PNISR: variants seen among roughly 807,000 people sequenced by gnomAD.
The protein encoded by PNISR is arginine/serine-rich protein PNISR.
A neutral mutation model predicts 93.4 loss-of-function variants in PNISR; 20 were observed. That is an observed-to-expected ratio of 0.21 (90% CI 0.15 to 0.31). The LOEUF is 0.31. PNISR is among the 10% of genes least tolerant of loss of function. The pLI is 1.00. For synonymous variants in PNISR, 305 were observed against 306.5 expected, an observed-to-expected ratio of 0.99 and a Z score of 0.05; for missense variants, 893 against 985.4, an observed-to-expected ratio of 0.91 and a Z score of 1.25.
chr6:99,403,861 T>C lies in PNISR; in HGVS notation c.1124A>G (p.Gln375Arg). 6.2e-7 allele frequency: 1 copy of C among 1,613,680 alleles called. No homozygotes were observed. The highest frequency in any genetic ancestry group is 8.5e-7 in the Non-Finnish European group (1 of 1,179,734). Residue 375 changes from glutamine (Q) to arginine (R), a missense_variant, in exon 10 of 12, where the codon CAG becomes CGG. This residue lies in a region of PNISR where 866 missense variants were observed against 935.1 expected (regional missense o/e 0.93). Coordinates refer to ENST00000369239, the MANE Select transcript of PNISR (RefSeq NM_032870.4). ...AGTGAGGGAAGCCAGTGCACTGGACTGTGCCAGCTGTTTTGCAGGAGCTTT... is the reference window on the plus strand; with the variant it reads ...AGTGAGGGAAGCCAGTGCACTGGACCGTGCCAGCTGTTTTGCAGGAGCTTT... ...ATKAPAKQLA[Q>R]SSALASLTGL...
chr6:99,402,673 A>C lies in PNISR; in HGVS notation c.1194T>G (p.Asp398Glu). 1.9e-6 allele frequency: 3 copies of C among 1,611,840 alleles called. No individual in the cohort carries two copies. In the East Asian group the frequency reaches 6.7e-5, roughly 36 times the overall value. Reference protein sequence around the residue: ...LGGYGSGDSEDERSDRGSESS... With the variant: ...LGGYGSGDSEEERSDRGSESS... ...ACTCAGATCCTCTGTCACTCCTCTC[A>C]TCTTCACTGTCTCCTGATCCATAAC... Residue 398 changes from aspartate to glutamate, a missense_variant, in exon 11 of 12, where the codon GAT becomes GAG. By Grantham distance (45) the Asp-to-Glu change is conservative (BLOSUM62 2). Transcript: ENST00000369239.
chr6:99,411,473 G>A (rs1776903621), intron 4 of PNISR, among the ~76,000 whole-genome samples: 1 of 152,154 alleles, frequency 6.6e-6, no homozygotes, highest in South Asian at 2.1e-4. Context: ...GCCCGCGGGA[G>A]TCATTTAAGA....
chr6:99,409,248 C>T lies in PNISR; in HGVS notation c.598G>A (p.Glu200Lys). The T allele has an allele frequency of 6.2e-7, 1 of 1,614,044 alleles. No homozygotes were observed. Among genetic ancestry groups the T allele is most frequent in the Non-Finnish European group, 8.5e-7 (1 of 1,179,962 alleles). Residue 200 changes from glutamate to lysine, a missense_variant, in exon 6 of 12, where the codon GAA becomes AAA. Physicochemically the swap from Glu to Lys is moderately conservative, Grantham distance 56. Around this residue, in one of 3 missense-constraint regions of PNISR, gnomAD observed 866 missense variants for 935.1 expected, o/e 0.93. Transcript: ENST00000369239. ...CGATCCCTGAATGATGATGGCCTTT[C>T]TCTTCGATTCTGGGGAGGTGCTGGA... Reference protein sequence around the residue: ...GPPAPPQNRRERPSSFRDRQR... With the variant: ...GPPAPPQNRRKRPSSFRDRQR...
intron 10 of PNISR, chr6:99,403,187 A>G (rs1775739240): frequency 6.6e-6 from 1 of 152,276 alleles, no homozygotes; most frequent in African/African-American, 2.4e-5. Context: ...CCCTGAAATG[A>G]TCTAAATAAC....
intron 8 of PNISR, among the ~76,000 whole-genome samples, chr6:99,404,999 A>T (rs1288847352): frequency 6.6e-6 from 1 of 152,076 alleles, no homozygotes; most frequent in African/African-American, 2.4e-5. Flanking sequence ...GGCTTGTCTT[A>T]AACTCCTGAT....
At chr6:99,421,484 C>A (rs774150300) in intron 1 of PNISR, among the ~76,000 whole-genome samples, 2 of 152,036 alleles carry the variant, frequency 1.3e-5, no homozygotes, top group Non-Finnish European at 2.9e-5. Context: ...TTAGGAGGGA[C>A]CTTATTAAAA....
intron 5 of PNISR, chr6:99,410,200 C>A (rs1045867570): frequency 6.5e-6 from 1 of 152,826 alleles, no homozygotes; most frequent in Non-Finnish European, 1.5e-5. Context: ...GCCCAACATA[C>A]AACACTATTC....
chr6:99,422,797 C>G lies in PNISR; in HGVS notation c.-112+2418G>C, dbSNP rs375746364. ...GCTGAGGCAGGAGAATCACTTGAAC[C>G]CGGGAGGCAGGGGTTGCAATGAGCC... On this transcript the variant is annotated intron_variant, in intron 1 of 11. Transcript: ENST00000369239. Among the ~76,000 whole-genome samples the G allele has an allele frequency of 2.8e-5, 4 of 143,824 alleles. No homozygotes were observed. The East Asian group carries it at 8.2e-4, about 30-fold the overall frequency. 94.4% of individuals were successfully genotyped at this position (143,824 alleles called of 152,430 possible).
chr6:99,399,170 G>C lies in PNISR; in HGVS notation c.*1370C>G, dbSNP rs1775177552. On this transcript the variant is annotated 3_prime_UTR_variant, in exon 12 of 12. Coordinates refer to ENST00000369239, the MANE Select transcript of PNISR (RefSeq NM_032870.4). ...TAAAACTTTTCTGTGGCCTGCACCT[G>C]TTTTCTTTTTAAATTAAAATGTAAA... 1 of 152,024 alleles carries C rather than the reference G, an allele frequency of 6.6e-6. No individual in the cohort carries two copies. The highest frequency in any genetic ancestry group is 2.4e-5 in the African/African-American group (1 of 41,422). The allele number at this position is 152,024 out of a possible 1,614,324, so 9.4% of individuals were successfully genotyped here. A position where few individuals can be genotyped will look rare whatever the true frequency, so the allele number is the denominator to read the frequency against.
At position 99,408,284 on chromosome 6, in the gene PNISR, G is replaced by C; in HGVS notation, c.674-13C>G. On this transcript the variant is annotated splice_polypyrimidine_tract_variant and intron_variant, in intron 6 of 11. Coordinates refer to ENST00000369239, the MANE Select transcript of PNISR (RefSeq NM_032870.4). Reference sequence around the variant, plus strand: ...CGTTTTACTGCGTCTGTTTCACGTGGGAAAAATATACGCAAGTCAGTTAAG... The same window carrying C: ...CGTTTTACTGCGTCTGTTTCACGTGCGAAAAATATACGCAAGTCAGTTAAG... 6.4e-7 allele frequency: 1 copy of C among 1,565,528 alleles called. No individual in the cohort carries two copies. Among genetic ancestry groups the C allele is most frequent in the South Asian group, 1.2e-5 (1 of 85,882 alleles).
chr6:99,407,407 C>T (rs1776302451), intron 7 of PNISR, among the ~76,000 whole-genome samples: 1 of 150,954 alleles, frequency 6.6e-6, no homozygotes, highest in South Asian at 2.1e-4. Flanking sequence ...TATTTAACAT[C>T]TAGAATAAAA....
At chr6:99,401,982 C>G (rs185919060) in intron 11 of PNISR, among the ~76,000 whole-genome samples, 2 of 152,180 alleles carry the variant, frequency 1.3e-5, no homozygotes, top group African/African-American at 4.8e-5. Context: ...ACGTTACCCT[C>G]CTGGACAGTG....
In PNISR at chr6:99,425,235, C is replaced by T; in HGVS notation, c.-132G>A. 2.3e-5 allele frequency: 28 copies of T among 1,232,166 alleles called. No individual in the cohort carries two copies. Among genetic ancestry groups the T allele is most frequent in the Non-Finnish European group, 2.8e-5 (28 of 987,956 alleles). 76.3% of individuals were successfully genotyped at this position (1,232,166 alleles called of 1,614,324 possible). ...CTTACCCACTCTAGTTCGGGAACAC[C>T]CTTGTCGCCGCCGTTCCGGTAACAC... is the stretch of plus-strand genomic sequence containing the variant. On this transcript the variant is annotated 5_prime_UTR_variant, in exon 1 of 12. Transcript: ENST00000369239.
chr6:99,408,810 C>A (rs1222958653), intron 6 of PNISR, among the ~76,000 whole-genome samples: 2 of 152,124 alleles, frequency 1.3e-5, no homozygotes, highest in African/African-American at 4.8e-5. Context: ...AGCAGTGCAT[C>A]AGATGAACTA....
intron 1 of PNISR, among the ~76,000 whole-genome samples, chr6:99,422,188 A>G (rs1024728098): frequency 3.3e-5 from 5 of 152,184 alleles, no homozygotes; most frequent in African/African-American, 1.2e-4. Flanking sequence ...ATTAATATTT[A>G]CAAAAGTCAC....
At chr6:99,418,422 C>G (rs1224001780) in intron 1 of PNISR, among the ~76,000 whole-genome samples, 1 of 150,670 alleles carries the variant, frequency 6.6e-6, no homozygotes, top group Non-Finnish European at 1.5e-5. Flanking sequence ...AGGTGTGAAC[C>G]ACCGCACCCA....
intron 1 of PNISR, among the ~76,000 whole-genome samples, chr6:99,421,922 G>T (rs1778615190): frequency 6.6e-6 from 1 of 152,178 alleles, no homozygotes; most frequent in Non-Finnish European, 1.5e-5. Context: ...CTGGAATGCA[G>T]CAGTGTGATC....
At chr6:99,404,224 T>G (rs1311729671) in intron 9 of PNISR, 3 of 335,642 alleles carry the variant, frequency 8.9e-6, no homozygotes, top group Non-Finnish European at 1.7e-5. Flanking sequence ...CTGTAAGAGA[T>G]AAGTGGTAAA....
chr6:99,422,697 A>AAAT (rs2128498089), intron 1 of PNISR, among the ~76,000 whole-genome samples: 1 of 152,176 alleles, frequency 6.6e-6, no homozygotes, highest in East Asian at 1.9e-4. Context: ...AACATGGCGA[A>AAAT]ACCTCCACTC....
Sources: gnomAD v4.1 joint callset for allele counts (sites outside exome capture counted in the v4.1 genomes callset) on GRCh38, gnomAD v4.1.1 for gene constraint, gnomAD v4.1.1 regional missense constraint, MANE v1.5 for transcripts, NCBI Gene and HGNC (gene_info 2026-07-23, HGNC 2026-07-21) for gene names.